The following GPC6 variants were observed in gnomAD, a reference collection of about 807,000 sequenced individuals.
GPC6 encodes glypican 6, also known as glypican-6.
Under a neutral mutation model 55.2 loss-of-function variants are expected in GPC6, and 14 were observed. That is an observed-to-expected ratio of 0.25 (90% CI 0.17 to 0.40). The LOEUF is 0.40. GPC6 is among the 10% of genes least tolerant of loss of function. The probability of loss-of-function intolerance (pLI) is 1.00; values close to 1 mark genes in which losing one functional copy is unlikely to be tolerated. For missense variants in GPC6, 641 were observed against 708.5 expected (o/e 0.90, Z 1.08); for synonymous variants, 278 against 259.6 (o/e 1.07, Z -0.68).
At chr13:93,880,669 C>G (rs1301313533) in intron 3 of GPC6, among the ~76,000 whole-genome samples, 2 of 151,942 alleles carry the variant, frequency 1.3e-5, no homozygotes, top group African/African-American at 4.8e-5. Context: ...ACATATGTAA[C>G]TAACCTGCAC....
At chr13:93,831,928 A>C (rs1887514963) in intron 3 of GPC6, among the ~76,000 whole-genome samples, 1 of 148,708 alleles carries the variant, frequency 6.7e-6, no homozygotes, top group Non-Finnish European at 1.5e-5. Flanking sequence ...ATCTCTACTA[A>C]AAATACAAAA....
At chr13:94,288,594 C>T (rs1339795673) in intron 5 of GPC6, among the ~76,000 whole-genome samples, 1 of 150,604 alleles carries the variant, frequency 6.6e-6, no homozygotes, top group Non-Finnish European at 1.5e-5. Flanking sequence ...CTCTCTCTCT[C>T]TCAGCTCCTT....
chr13:93,707,568 C>A (rs1361601855), intron 2 of GPC6, among the ~76,000 whole-genome samples: 1 of 151,736 alleles, frequency 6.6e-6, no homozygotes. Context: ...AAGGCAATTT[C>A]TGGACTGTAC....
chr13:93,630,242 A>G (rs1293817419), intron 2 of GPC6, among the ~76,000 whole-genome samples: 1 of 152,168 alleles, frequency 6.6e-6, no homozygotes, highest in Non-Finnish European at 1.5e-5. Context: ...AACAGATCCT[A>G]ACATGGAAAC....
rs993660606 is a variant in GPC6, at chr13:94,227,146, A to G, written c.878-59203A>G. On this transcript the variant is annotated intron_variant, in intron 4 of 8. Transcript: ENST00000377047. ...CAAAACATTATTCATACATTATCTC[A>G]TGTGATACTCACATCTGCATTGCCA... Among the ~76,000 whole-genome samples, 5 of 152,326 alleles carry G rather than the reference A, an allele frequency of 3.3e-5. No homozygotes were observed. In the South Asian group the frequency reaches 8.3e-4, roughly 25 times the overall value.
chr13:93,865,840 T>C (rs1185317286), intron 3 of GPC6, among the ~76,000 whole-genome samples: 1 of 151,726 alleles, frequency 6.6e-6, no homozygotes, highest in Non-Finnish European at 1.5e-5. Flanking sequence ...TCCTGTCCTC[T>C]GCTTACTGTT....
intron 4 of GPC6, among the ~76,000 whole-genome samples, chr13:94,215,683 A>G (rs1426563501): frequency 6.6e-6 from 1 of 152,100 alleles, no homozygotes; most frequent in Non-Finnish European, 1.5e-5. Context: ...CCACCAATTT[A>G]TTACATTTCA....
intron 2 of GPC6, among the ~76,000 whole-genome samples, chr13:93,614,219 T>C (rs1878620509): frequency 6.6e-6 from 1 of 152,162 alleles, no homozygotes; most frequent in Non-Finnish European, 1.5e-5. Context: ...GTATTACTCC[T>C]CAAAAAAAAT....
intron 6 of GPC6, among the ~76,000 whole-genome samples, chr13:94,372,486 G>A (rs1032270772): frequency 1.3e-5 from 2 of 152,096 alleles, no homozygotes; most frequent in African/African-American, 2.4e-5. Context: ...ACTCCCACCC[G>A]AATACTGCAC....
chr13:93,420,679 C>T (rs1227646413), intron 1 of GPC6, among the ~76,000 whole-genome samples: 1 of 152,112 alleles, frequency 6.6e-6, no homozygotes, highest in African/African-American at 2.4e-5. Flanking sequence ...AAACAGAAAA[C>T]AGGAGAGACC....
intron 2 of GPC6, among the ~76,000 whole-genome samples, chr13:93,824,110 C>CA (rs1325585778): frequency 1.3e-5 from 2 of 151,772 alleles, no homozygotes; most frequent in African/African-American, 2.4e-5. Context: ...CTTTTTACAC[C>CA]AAAAAATGCA....
the GPC6 span, among the ~76,000 whole-genome samples, chr13:93,218,681 A>G: frequency 6.6e-6 from 1 of 152,232 alleles, no homozygotes; most frequent in Admixed American, 6.5e-5. Context: ...ATTGACAAAG[A>G]ATATGCCACA....
At chr13:93,772,876 C>A (rs2138894858) in intron 2 of GPC6, among the ~76,000 whole-genome samples, 1 of 152,232 alleles carries the variant, frequency 6.6e-6, no homozygotes, top group Non-Finnish European at 1.5e-5. Context: ...CAACTCCCTT[C>A]TGTGGTCCAT....
Position 94,355,215 on chromosome 13 carries a change from G to C in GPC6, c.1153-27199G>C, listed in dbSNP as rs961643040. ...ATTTTTGTATTTTTAGTAGAGACAG[G>C]GTTTCACCATTTGGTCAGGCTGGTC... On this transcript the variant is annotated intron_variant, in intron 6 of 8. Transcript: ENST00000377047. Among the ~76,000 whole-genome samples, 3 of 152,060 alleles carry C rather than the reference G, an allele frequency of 2.0e-5. No individual in the cohort carries two copies. In the East Asian group the frequency reaches 5.8e-4, roughly 30 times the overall value.
chr13:94,332,428 G>A (rs1454736632), intron 6 of GPC6, among the ~76,000 whole-genome samples: 1 of 152,184 alleles, frequency 6.6e-6, no homozygotes, highest in African/African-American at 2.4e-5. Flanking sequence ...TGGGTCTGAC[G>A]GATTGCTCAA....
intron 2 of GPC6, among the ~76,000 whole-genome samples, chr13:93,651,882 A>G (rs1413324370): frequency 1.3e-5 from 2 of 152,178 alleles, no homozygotes; most frequent in African/African-American, 4.8e-5. Context: ...CAGACCAATT[A>G]AATCAGAATC....
At chr13:93,337,503 T>TAA (rs145498277) in intron 1 of GPC6, among the ~76,000 whole-genome samples, 101 of 146,958 alleles carry the variant, frequency 6.9e-4, no homozygotes, top group African/African-American at 2.4e-3. Context: ...CACTTAAAGG[T>TAA]AAAAAAAAAA....
In GPC6 at chr13:93,672,162, TTA is replaced by T. The variant is rs748398161; in HGVS notation, c.319+126742_319+126743del. ...TTAAGTTCTGGGTTTTTTTTTTTTT[TTA>T]GTAGCTAATAGTGTGTGAGCCTATT... On this transcript the variant is annotated intron_variant, in intron 2 of 8. Coordinates refer to ENST00000377047, the MANE Select transcript of GPC6 (RefSeq NM_005708.5). 9.2e-4 allele frequency among the ~76,000 whole-genome samples: 130 copies of T among 140,974 alleles called. 1 individual carries two copies. The highest frequency in any genetic ancestry group is 6.7e-3 in the East Asian group (28 of 4,160). 92.5% of individuals were successfully genotyped at this position (140,974 alleles called of 152,430 possible). A position where few individuals can be genotyped will look rare whatever the true frequency, so the allele number is the denominator to read the frequency against.
At chr13:94,227,607 A>G (rs983143124) in intron 4 of GPC6, among the ~76,000 whole-genome samples, 4 of 152,210 alleles carry the variant, frequency 2.6e-5, no homozygotes, top group Admixed American at 6.5e-5. Flanking sequence ...TCCCCACTCT[A>G]TAATGTGATC....
Sources: gnomAD v4.1 joint callset for allele counts (sites outside exome capture counted in the v4.1 genomes callset) on GRCh38, gnomAD v4.1.1 for gene constraint, MANE v1.5 for transcripts, NCBI Gene and HGNC (gene_info 2026-07-23, HGNC 2026-07-21) for gene names.